The following GPR107 variants were observed in gnomAD, a reference collection of about 807,000 sequenced individuals.
GPR107 encodes G protein-coupled receptor 107.
Under a neutral mutation model 75.5 loss-of-function variants are expected in GPR107, and 31 were observed. The ratio of observed to expected loss-of-function variants is 0.41; its 90% CI spans 0.31 to 0.55. GPR107 has a LOEUF of 0.55. GPR107 is among the 20% of genes least tolerant of loss of function. The pLI, the probability that GPR107 is intolerant of heterozygous loss-of-function variation, is 0.26. For synonymous variants in GPR107, 267 were observed against 251.3 expected, an observed-to-expected ratio of 1.06 and a Z score of -0.59; for missense variants, 572 against 665.7, an observed-to-expected ratio of 0.86 and a Z score of 1.55.
At position 130,103,047 on chromosome 9, in the gene GPR107, C is replaced by T. The variant is rs1310256152; in HGVS notation, c.1132-1373C>T. Among the ~76,000 whole-genome samples the T allele has an allele frequency of 6.6e-6, 1 of 152,026 alleles. No individual in the cohort carries two copies. Among genetic ancestry groups the T allele is most frequent in the Non-Finnish European group, 1.5e-5 (1 of 68,018 alleles). ...CTCAAGCAATCCTTCTGCCTTGGCT[C>T]CCCAAATTTCTGGGATTATGGGTAT... is the stretch of plus-strand genomic sequence containing the variant. On this transcript the variant is annotated intron_variant, in intron 12 of 17. Transcript: ENST00000347136. The surrounding 1 kb of genome is among the most constrained non-coding windows in gnomAD (Gnocchi z 4.3).
intron 17 of GPR107, among the ~76,000 whole-genome samples, chr9:130,134,503 C>A (rs1831903634): frequency 6.6e-6 from 1 of 152,234 alleles, no homozygotes; most frequent in Non-Finnish European, 1.5e-5. Context: ...AGAAAGCAGC[C>A]AGTTCTCTGT....
chr9:130,117,969 C>T (rs901666082), intron 14 of GPR107, among the ~76,000 whole-genome samples: 3 of 152,192 alleles, frequency 2.0e-5, no homozygotes, highest in Non-Finnish European at 4.4e-5. Flanking sequence ...CTGAACTAAT[C>T]GTCCTGACCT....
intron 14 of GPR107, among the ~76,000 whole-genome samples, chr9:130,110,959 G>A (rs966262975): frequency 1.3e-5 from 2 of 152,146 alleles, no homozygotes; most frequent in Non-Finnish European, 2.9e-5. Flanking sequence ...CTGTTCTCAG[G>A]CTCATTATTC....
intron 1 of GPR107, 114 bp from the exon 2 acceptor site, chr9:130,075,522 A>T: frequency 3.3e-6 from 2 of 605,920 alleles, no homozygotes; most frequent in Admixed American, 2.5e-5. Context: ...GTGGGATTAC[A>T]GGCTTGAGCC....
intron 14 of GPR107, among the ~76,000 whole-genome samples, chr9:130,118,804 A>AC (rs1309347198): frequency 1.1e-4 from 16 of 152,264 alleles, no homozygotes; most frequent in African/African-American, 3.9e-4. Flanking sequence ...CCCATTAAGA[A>AC]CCATTGCTAT....
At chr9:130,105,900 T>A (rs1012603417) in intron 13 of GPR107, among the ~76,000 whole-genome samples, 22 of 151,892 alleles carry the variant, frequency 1.4e-4, no homozygotes, top group Admixed American at 1.3e-4. Flanking sequence ...GTTCAAGTGA[T>A]CTTCCCACCT....
In GPR107 at chr9:130,103,080, C is replaced by T. The variant is rs778586682; in HGVS notation, c.1132-1340C>T. Among the ~76,000 whole-genome samples the T allele has an allele frequency of 7.2e-5, 11 of 152,098 alleles. No homozygotes were observed. Among genetic ancestry groups the T allele is most frequent in the African/African-American group, 2.2e-4 (9 of 41,406 alleles). On this transcript the variant is annotated intron_variant, in intron 12 of 17. Coordinates refer to ENST00000347136, the MANE Select transcript of GPR107 (RefSeq NM_020960.5). The surrounding 1 kb of genome is among the most constrained non-coding windows in gnomAD (Gnocchi z 4.3). ...TTCTGGGATTATGGGTATGAGCCAC[C>T]GCACCCAGCCCTACTTTGTCTTTTT...
chr9:130,115,978 A>G (rs1831420718), intron 14 of GPR107, among the ~76,000 whole-genome samples: 3 of 152,198 alleles, frequency 2.0e-5, no homozygotes, highest in African/African-American at 7.2e-5. Context: ...TCTTGTCATT[A>G]CTTTTCCTTA....
At chr9:130,075,292 T>G (rs1222780330) in intron 1 of GPR107, among the ~76,000 whole-genome samples, 1 of 139,280 alleles carries the variant, frequency 7.2e-6, no homozygotes, top group Non-Finnish European at 1.5e-5. Context: ...TCACCCAAGC[T>G]AGAGTGCAGT....
intron 14 of GPR107, among the ~76,000 whole-genome samples, chr9:130,116,871 T>C (rs757617939): frequency 5.3e-5 from 8 of 152,208 alleles, no homozygotes; most frequent in Non-Finnish European, 1.0e-4. Context: ...TACAATAATA[T>C]GCACAGTCCT....
intron 9 of GPR107, among the ~76,000 whole-genome samples, chr9:130,096,904 T>G (rs10988591): frequency 0.32 from 47,950 of 152,104 alleles, 7,741 homozygotes; most frequent in Non-Finnish European, 0.38. Flanking sequence ...TGTGGCTGAG[T>G]GTGCATCTCA....
In GPR107 at chr9:130,054,078, A is replaced by C. The variant is rs1238618267; in HGVS notation, c.141+5A>C. 1 of 1,541,792 alleles carries C rather than the reference A, an allele frequency of 6.5e-7. No individual in the cohort carries two copies. The highest frequency in any genetic ancestry group is 1.2e-5 in the South Asian group (1 of 83,448). Reference sequence around the variant, plus strand: ...GTCCATCACCTGGCACTCAAGGTAAAGCTTGGCAAGGCCGGGCCGGGGGGC... The same window carrying C: ...GTCCATCACCTGGCACTCAAGGTAACGCTTGGCAAGGCCGGGCCGGGGGGC... On this transcript the variant is annotated splice_donor_5th_base_variant and intron_variant, in intron 1 of 17. Transcript: ENST00000347136.
intron 14 of GPR107, among the ~76,000 whole-genome samples, chr9:130,118,397 A>C (rs1831476734): frequency 6.6e-6 from 1 of 152,166 alleles, no homozygotes. Context: ...CACCTAGGGC[A>C]GGGGCAGCAC....
chr9:130,094,006 G>A (rs1451740325), intron 9 of GPR107, among the ~76,000 whole-genome samples: 1 of 151,926 alleles, frequency 6.6e-6, no homozygotes, highest in African/African-American at 2.4e-5. Flanking sequence ...GTAGAGACGG[G>A]CTTTCACCAT....
At chr9:130,071,081 G>C (rs1830197719) in intron 1 of GPR107, among the ~76,000 whole-genome samples, 1 of 137,202 alleles carries the variant, frequency 7.3e-6, no homozygotes, top group Admixed American at 8.4e-5. Context: ...TGTGGCGCAG[G>C]CTGGAGTGCA....
In GPR107 at chr9:130,103,439, AT is replaced by A. The variant is rs1199844828; in HGVS notation, c.1132-980del. 6.6e-6 allele frequency among the ~76,000 whole-genome samples: 1 copy of A among 152,170 alleles called. No homozygotes were observed. The highest frequency in any genetic ancestry group is 1.5e-5 in the Non-Finnish European group (1 of 68,034). On this transcript the variant is annotated intron_variant, in intron 12 of 17. Coordinates refer to ENST00000347136, the MANE Select transcript of GPR107 (RefSeq NM_020960.5). The surrounding 1 kb of genome is among the most constrained non-coding windows in gnomAD (Gnocchi z 4.3). ...ACCTCTGCATCCATTCCCAGTGGTA[AT>A]CTTCAAAAGGATGTATTATAAGTGG...
intron 1 of GPR107, among the ~76,000 whole-genome samples, chr9:130,055,826 C>T (rs185414022): frequency 1.2e-4 from 18 of 151,934 alleles, no homozygotes; most frequent in Admixed American, 9.9e-4. Flanking sequence ...TGCCTGTAGT[C>T]CCAGCTACTT....
chr9:130,053,981 C>G lies in GPR107; in HGVS notation c.49C>G (p.Leu17Val), dbSNP rs761723245. Reference sequence around the variant, plus strand: ...CTCCCCCGCCTCCCGCGGTCCTAGGCTGGCCGCGGGCCTCCGGCTGCTCCC... The same window carrying G: ...CTCCCCCGCCTCCCGCGGTCCTAGGGTGGCCGCGGGCCTCCGGCTGCTCCC... ...VGSPASRGPR[L>V]AAGLRLLPML... The change falls in exon 1 of 18, where the codon CTG becomes GTG. Residue 17 changes from leucine to valine, a missense_variant. Coordinates refer to ENST00000347136, the MANE Select transcript of GPR107 (RefSeq NM_020960.5). 1 of 1,553,854 alleles carries G rather than the reference C, an allele frequency of 6.4e-7. No individual in the cohort carries two copies. Among genetic ancestry groups the G allele is most frequent in the South Asian group, 1.2e-5 (1 of 84,456 alleles).
intron 14 of GPR107, among the ~76,000 whole-genome samples, chr9:130,121,921 C>G (rs990530690): frequency 6.6e-6 from 1 of 151,098 alleles, no homozygotes; most frequent in African/African-American, 2.4e-5. Context: ...GGTGGAGTCT[C>G]GCTCTGTCAC....
Sources: gnomAD v4.1 joint callset for allele counts (sites outside exome capture counted in the v4.1 genomes callset) on GRCh38, gnomAD v4.1.1 for gene constraint, Gnocchi (gnomAD v3.1) non-coding constraint, MANE v1.5 for transcripts, NCBI Gene and HGNC (gene_info 2026-07-23, HGNC 2026-07-21) for gene names.